SLC24A2: variants seen among roughly 807,000 people sequenced by gnomAD.
The protein encoded by SLC24A2 is solute carrier family 24 member 2, also known as sodium/potassium/calcium exchanger 2.
In SLC24A2, 36 loss-of-function variants were observed where a neutral mutation model predicts 62.0. The observed-to-expected ratio is 0.58, with a 90% CI of 0.44 to 0.77. The LOEUF is 0.77. Ranked by LOEUF, SLC24A2 falls within the 30% of genes least tolerant of loss-of-function variation. The pLI, the probability that SLC24A2 is intolerant of heterozygous loss-of-function variation, is 0.00. For synonymous variants in SLC24A2, 358 were observed against 294.0 expected, an observed-to-expected ratio of 1.22 and a Z score of -2.23; for missense variants, 846 against 817.9, an observed-to-expected ratio of 1.03 and a Z score of -0.42.
the SLC24A2 span, among the ~76,000 whole-genome samples, chr9:19,811,881 G>C: frequency 6.6e-6 from 1 of 151,706 alleles, no homozygotes; most frequent in African/African-American, 2.4e-5. Flanking sequence ...TTTACTGCCT[G>C]CATTTCTGTG....
At chr9:19,726,210 T>C (rs569813820) in intron 2 of SLC24A2, among the ~76,000 whole-genome samples, 8 of 152,244 alleles carry the variant, frequency 5.3e-5, no homozygotes, top group South Asian at 4.2e-4. Context: ...ACACAGAACA[T>C]TGCGTAGGAT....
At chr9:20,183,490 G>A in the SLC24A2 span, among the ~76,000 whole-genome samples, 18 of 152,198 alleles carry the variant, frequency 1.2e-4, no homozygotes, top group Non-Finnish European at 1.0e-4. Flanking sequence ...CAGCAGAAAA[G>A]GAACCTGCTT....
intron 2 of SLC24A2, among the ~76,000 whole-genome samples, chr9:19,780,907 C>G (rs1822998800): frequency 2.1e-5 from 3 of 146,118 alleles, no homozygotes; most frequent in Admixed American, 6.8e-5. Flanking sequence ...TGTATACATT[C>G]CAAACTATTA....
intron 4 of SLC24A2, among the ~76,000 whole-genome samples, chr9:19,614,284 TCCAA>T (rs1252842945): frequency 6.6e-6 from 1 of 152,204 alleles, no homozygotes; most frequent in Non-Finnish European, 1.5e-5. Flanking sequence ...AAATATTTAT[TCCAA>T]CCATTCATCT....
the SLC24A2 span, among the ~76,000 whole-genome samples, chr9:20,030,784 C>T: frequency 1.3e-5 from 2 of 152,156 alleles, no homozygotes; most frequent in Non-Finnish European, 2.9e-5. Flanking sequence ...CTATTAGTAA[C>T]TATTTAGTGA....
the SLC24A2 span, among the ~76,000 whole-genome samples, chr9:19,856,620 A>T: frequency 6.6e-6 from 1 of 152,132 alleles, no homozygotes; most frequent in Non-Finnish European, 1.5e-5. Context: ...GGGAGGTGTC[A>T]CCAGTGGAGG....
chr9:19,870,489 G>A, the SLC24A2 span, among the ~76,000 whole-genome samples: 1 of 152,040 alleles, frequency 6.6e-6, no homozygotes, highest in African/African-American at 2.4e-5. Flanking sequence ...AGTTTTTGTA[G>A]GGTTATATGT....
chr9:19,690,214 C>T (rs953095391), intron 2 of SLC24A2, among the ~76,000 whole-genome samples: 9 of 152,116 alleles, frequency 5.9e-5, no homozygotes, highest in African/African-American at 2.2e-4. Context: ...TACACACACA[C>T]ACTTCTCCTA....
At chr9:19,762,793 CTTTTTTT>C (rs58241037) in intron 2 of SLC24A2, among the ~76,000 whole-genome samples, 1 of 102,394 alleles carries the variant, frequency 9.8e-6, no homozygotes, top group Non-Finnish European at 2.0e-5. Flanking sequence ...GCTATATGTG[CTTTTTTT>C]TTTTTTTTTT....
At chr9:19,565,324 GACAA>G (rs371077143) in intron 7 of SLC24A2, among the ~76,000 whole-genome samples, 9,744 of 137,594 alleles carry the variant, frequency 0.071, 367 homozygotes, top group Middle Eastern at 0.091. Flanking sequence ...ACCAACAACA[GACAA>G]ACAGAGAGCC....
the SLC24A2 span, among the ~76,000 whole-genome samples, chr9:20,109,511 T>A: frequency 6.6e-6 from 1 of 152,184 alleles, no homozygotes; most frequent in Non-Finnish European, 1.5e-5. Context: ...AGAGTGTGTA[T>A]GTGACCAGCC....
intron 2 of SLC24A2, among the ~76,000 whole-genome samples, chr9:19,763,653 G>T (rs1015119083): frequency 2.9e-4 from 44 of 152,162 alleles, no homozygotes; most frequent in Non-Finnish European, 4.7e-4. Flanking sequence ...TGCATCCCAG[G>T]GATGAAGCTG....
At chr9:20,056,174 T>C in the SLC24A2 span, among the ~76,000 whole-genome samples, 2 of 152,240 alleles carry the variant, frequency 1.3e-5, no homozygotes, top group South Asian at 4.1e-4. Context: ...TGGCATTTGC[T>C]GATAGTATCC....
At chr9:20,197,723 C>T in the SLC24A2 span, among the ~76,000 whole-genome samples, 1 of 152,092 alleles carries the variant, frequency 6.6e-6, no homozygotes, top group South Asian at 2.1e-4. Context: ...TGAGCCGAGC[C>T]AGGCCATAAT....
intron 8 of SLC24A2, among the ~76,000 whole-genome samples, chr9:19,534,454 C>T (rs1277189105): frequency 1.3e-5 from 2 of 152,052 alleles, no homozygotes; most frequent in Non-Finnish European, 2.9e-5. Flanking sequence ...GTTTGCTGCA[C>T]CCATCAACCT....
chr9:20,201,142 C>G, the SLC24A2 span, among the ~76,000 whole-genome samples: 4 of 152,176 alleles, frequency 2.6e-5, no homozygotes, highest in African/African-American at 9.7e-5. Flanking sequence ...GCTGCATGCT[C>G]CAGACACTGG....
the SLC24A2 span, among the ~76,000 whole-genome samples, chr9:20,114,240 C>T: frequency 6.6e-6 from 1 of 152,134 alleles, no homozygotes; most frequent in Non-Finnish European, 1.5e-5. Flanking sequence ...GAAAGAACCA[C>T]CGCAAAGGGG....
chr9:20,164,307 C>G, the SLC24A2 span, among the ~76,000 whole-genome samples: 86 of 151,970 alleles, frequency 5.7e-4, no homozygotes, highest in African/African-American at 2.0e-3. Context: ...ACAACCCCAT[C>G]AAAAAGTGGG....
chr9:20,212,481 T>C, the SLC24A2 span, among the ~76,000 whole-genome samples: 2 of 151,790 alleles, frequency 1.3e-5, no homozygotes, highest in African/African-American at 4.9e-5. Flanking sequence ...TAAAACCCCA[T>C]CTCTACTAAA....
Sources: gnomAD v4.1 joint callset for allele counts (sites outside exome capture counted in the v4.1 genomes callset) on GRCh38, gnomAD v4.1.1 for gene constraint, MANE v1.5 for transcripts, NCBI Gene and HGNC (gene_info 2026-07-23, HGNC 2026-07-21) for gene names.